The following MAP2 variants were observed in gnomAD, a reference collection of about 807,000 sequenced individuals.
The protein encoded by MAP2 is microtubule associated protein 2.
MAP2 carries 14 observed loss-of-function variants against 137.6 expected under a neutral mutation model. That is an observed-to-expected ratio of 0.10 (90% confidence interval 0.07 to 0.16). The LOEUF (loss-of-function observed/expected upper bound fraction) is 0.16, where lower values mean the gene tolerates loss of function less well. Among genes scored for constraint, MAP2 ranks in the 10% least tolerant of loss-of-function variants. The pLI, the probability that MAP2 is intolerant of heterozygous loss-of-function variation, is 1.00. For missense variants in MAP2, 2,088 were observed against 2,191.5 expected (o/e 0.95, Z 0.94); for synonymous variants, 786 against 782.3 (o/e 1.00, Z -0.08).
intron 3 of MAP2, among the ~76,000 whole-genome samples, chr2:209,593,287 T>G (rs1473793008): frequency 6.6e-6 from 1 of 151,998 alleles, no homozygotes; most frequent in Non-Finnish European, 1.5e-5. Context: ...TGTTATTGTT[T>G]GTGCTGCTTA....
intron 1 of MAP2, among the ~76,000 whole-genome samples, chr2:209,500,729 T>TAACA (rs201492760): frequency 0.019 from 2,884 of 152,000 alleles, 31 homozygotes; most frequent in Non-Finnish European, 0.03. Flanking sequence ...CTAAAAAACA[T>TAACA]AACAAACAAA....
chr2:209,606,341 G>T (rs902732985), intron 3 of MAP2, among the ~76,000 whole-genome samples: 1 of 152,148 alleles, frequency 6.6e-6, no homozygotes, highest in Non-Finnish European at 1.5e-5. Context: ...AAGGGAAGAT[G>T]TTTCCTCTTG....
intron 5 of MAP2, among the ~76,000 whole-genome samples, chr2:209,666,638 A>G (rs951367951): frequency 6.6e-6 from 1 of 152,074 alleles, no homozygotes; most frequent in African/African-American, 2.4e-5. Context: ...TTTTGGTGAC[A>G]CAGGTTTCCT....
At chr2:209,633,418 A>G (rs193088001) in intron 4 of MAP2, among the ~76,000 whole-genome samples, 189 of 152,304 alleles carry the variant, frequency 1.2e-3, no homozygotes, top group African/African-American at 3.8e-3. Context: ...TGAAGTCTCA[A>G]AGGCAAAAGT....
At chr2:209,634,264 T>C (rs2093361684) in intron 4 of MAP2, among the ~76,000 whole-genome samples, 1 of 152,212 alleles carries the variant, frequency 6.6e-6, no homozygotes, top group Non-Finnish European at 1.5e-5. Context: ...TCTCATCGAT[T>C]TTTTGGAAAA....
intron 4 of MAP2, among the ~76,000 whole-genome samples, chr2:209,631,385 C>G (rs557145562): frequency 3.9e-4 from 59 of 152,068 alleles, no homozygotes; most frequent in Non-Finnish European, 7.8e-4. Context: ...TGCTTTAAAA[C>G]CTCAGTCCTA....
chr2:209,481,338 A>G (rs777334684), intron 1 of MAP2, among the ~76,000 whole-genome samples: 4 of 152,204 alleles, frequency 2.6e-5, no homozygotes, highest in Non-Finnish European at 5.9e-5. Context: ...CCATCACTGG[A>G]TGTGGGCTAC....
intron 1 of MAP2, among the ~76,000 whole-genome samples, chr2:209,497,934 C>G (rs2059945389): frequency 1.3e-5 from 2 of 152,190 alleles, no homozygotes; most frequent in East Asian, 1.9e-4. Context: ...CTGGTCCTTT[C>G]CAAATTTCAT....
rs1219185351 is a variant in MAP2, at chr2:209,678,612, G to T, written c.303G>T (p.Glu101Asp). The change falls in exon 6 of 16, where the codon GAG (glutamate) becomes GAT (aspartate). Residue 101 changes from glutamate to aspartate, a missense_variant. Coordinates refer to ENST00000682079, the MANE Select transcript of MAP2 (RefSeq NM_001375505.1). ...GGATAGTTCAAGTAGTCACTGCTGA[G>T]GCTGTAGCAGTCCTGAAAGGTGAAC... ...SARIVQVVTA[E>D]AVAVLKGEQE... 1 of 1,606,386 alleles carries T rather than the reference G, an allele frequency of 6.2e-7. No homozygotes were observed. The highest frequency in any genetic ancestry group is 2.2e-5 in the East Asian group (1 of 44,484).
chr2:209,454,148 T>A (rs1700954363), intron 1 of MAP2, among the ~76,000 whole-genome samples: 1 of 23,174 alleles, frequency 4.3e-5, no homozygotes, highest in East Asian at 1.1e-3. Context: ...AGACTCTGTC[T>A]CAAAAAAAAA....
intron 3 of MAP2, among the ~76,000 whole-genome samples, chr2:209,602,414 A>G (rs555143707): frequency 7.0e-4 from 106 of 152,302 alleles, no homozygotes; most frequent in South Asian, 5.4e-3. Context: ...ATTGCATTTG[A>G]TTTCACATGC....
At chr2:209,476,271 A>G (rs1707190759) in intron 1 of MAP2, among the ~76,000 whole-genome samples, 1 of 152,152 alleles carries the variant, frequency 6.6e-6, no homozygotes. Context: ...CCTCTGACAT[A>G]AGATTGTTTC....
intron 11 of MAP2, among the ~76,000 whole-genome samples, chr2:209,701,329 T>C (rs1164043563): frequency 6.6e-6 from 1 of 151,918 alleles, no homozygotes; most frequent in East Asian, 1.9e-4. Flanking sequence ...AACTTCTTCA[T>C]ATGTTTGTAA....
intron 1 of MAP2, among the ~76,000 whole-genome samples, chr2:209,442,903 G>A (rs754707341): frequency 4.0e-5 from 6 of 151,436 alleles, no homozygotes; most frequent in Non-Finnish European, 8.9e-5. Flanking sequence ...CATCTCTACT[G>A]TCACTGAATT....
In MAP2 at chr2:209,707,946, C is replaced by A. The variant is rs1584189756; in HGVS notation, c.4733-1968C>A. 4.6e-5 allele frequency among the ~76,000 whole-genome samples: 7 copies of A among 152,144 alleles called. No homozygotes were observed. In the East Asian group the frequency reaches 1.2e-3, roughly 25 times the overall value. ...ATTCAGTCTCCATGAAGTCAAAAAA[C>A]CCCTCAGCACACTTTGATGAATTCT... is the stretch of plus-strand genomic sequence containing the variant. On this transcript the variant is annotated intron_variant, in intron 12 of 15. Transcript: ENST00000682079.
At chr2:209,696,419 A>T in intron 8 of MAP2, 69 bp downstream of exon 8, 2 of 1,491,032 alleles carry the variant, frequency 1.3e-6, no homozygotes, top group Non-Finnish European at 1.8e-6. Flanking sequence ...TTTCACTTAA[A>T]CATTTTAAAA....
chr2:209,483,819 C>T (rs937517536), intron 1 of MAP2, among the ~76,000 whole-genome samples: 8 of 152,294 alleles, frequency 5.3e-5, no homozygotes, highest in Non-Finnish European at 1.0e-4. Context: ...ACACCATTTA[C>T]TTTCATCCAT....
At chr2:209,573,602 C>A (rs1254734467) in intron 2 of MAP2, among the ~76,000 whole-genome samples, 1 of 152,056 alleles carries the variant, frequency 6.6e-6, no homozygotes, top group Non-Finnish European at 1.5e-5. Context: ...CCCCTTATTA[C>A]TTTATTTTTT....
At chr2:209,701,176 C>A (rs1345501528) in intron 11 of MAP2, among the ~76,000 whole-genome samples, 1 of 151,884 alleles carries the variant, frequency 6.6e-6, no homozygotes, top group Non-Finnish European at 1.5e-5. Context: ...AGGTTCTACC[C>A]ACTTATACAT....
Sources: gnomAD v4.1 joint callset for allele counts (sites outside exome capture counted in the v4.1 genomes callset) on GRCh38, gnomAD v4.1.1 for gene constraint, MANE v1.5 for transcripts, NCBI Gene and HGNC (gene_info 2026-07-23, HGNC 2026-07-21) for gene names.